The following NTN4 variants were observed in gnomAD, a reference collection of about 807,000 sequenced individuals.
NTN4 encodes netrin-4.
In NTN4, 32 loss-of-function variants were observed where a neutral mutation model predicts 73.6. The observed-to-expected ratio is 0.44, with a 90% CI of 0.33 to 0.58. The LOEUF (loss-of-function observed/expected upper bound fraction) is 0.58, where lower values mean the gene tolerates loss of function less well. Among genes scored for constraint, NTN4 ranks in the 20% least tolerant of loss-of-function variants. The pLI, the probability that NTN4 is intolerant of heterozygous loss-of-function variation, is 0.04. For synonymous variants in NTN4, 258 were observed against 287.5 expected, an observed-to-expected ratio of 0.90 and a Z score of 1.04; for missense variants, 654 against 798.3, an observed-to-expected ratio of 0.82 and a Z score of 2.18.
At chr12:95,775,669 A>G (rs972012968) in intron 2 of NTN4, among the ~76,000 whole-genome samples, 7 of 152,240 alleles carry the variant, frequency 4.6e-5, no homozygotes, top group African/African-American at 1.7e-4. Flanking sequence ...TGAGTAGGTA[A>G]ACAAAGCAGC....
chr12:95,672,047 G>A (rs1396285415), intron 7 of NTN4, among the ~76,000 whole-genome samples: 2 of 147,018 alleles, frequency 1.4e-5, no homozygotes, highest in African/African-American at 5.1e-5. Flanking sequence ...GCAGCCAGGT[G>A]TGGTGACTCA....
At chr12:95,783,052 C>T (rs570856815) in intron 2 of NTN4, among the ~76,000 whole-genome samples, 43 of 152,244 alleles carry the variant, frequency 2.8e-4, no homozygotes, top group African/African-American at 1.0e-3. Flanking sequence ...TCATTTTTAG[C>T]CTCAAGGTTA....
At chr12:95,660,651 T>C (rs1399871765) in intron 9 of NTN4, among the ~76,000 whole-genome samples, 1 of 152,192 alleles carries the variant, frequency 6.6e-6, no homozygotes, top group East Asian at 1.9e-4. Context: ...GATTTTGGTA[T>C]TTAGGAACGA....
In NTN4 at chr12:95,710,575, T is replaced by TC; in HGVS notation, c.1045dup (p.Glu349GlyfsTer7). ...ACCACCACTACGATTCCCTGATGCC[T>TC]CCCACACATTAACGTCGAAGTGACA... On this transcript the variant is annotated frameshift_variant, in exon 5 of 10. Coordinates refer to ENST00000343702, the MANE Select transcript of NTN4 (RefSeq NM_021229.4). LOFTEE classifies it high-confidence loss of function. 1.2e-6 allele frequency: 2 copies of TC among 1,614,154 alleles called. No homozygotes were observed. Among genetic ancestry groups the TC allele is most frequent in the Non-Finnish European group, 1.7e-6 (2 of 1,180,010 alleles).
At chr12:95,687,147 A>G (rs2121006087) in intron 5 of NTN4, among the ~76,000 whole-genome samples, 1 of 147,422 alleles carries the variant, frequency 6.8e-6, no homozygotes, top group Middle Eastern at 3.4e-3. Flanking sequence ...CTTTGCATAT[A>G]TTTCTATTTT....
In NTN4 at chr12:95,770,988, A is replaced by ATTTTTTTTTTTTTTTT. The variant is rs1460848065; in HGVS notation, c.585+15950_585+15951insAAAAAAAAAAAAAAAA. ...GCAAGATGAACCATCCAGGAAAAGA[A>ATTTTTTTTTTTTTTTT]TTTGTTTTTTTTTTTTTTTGAGACA... On this transcript the variant is annotated intron_variant, in intron 2 of 9. Coordinates refer to ENST00000343702, the MANE Select transcript of NTN4 (RefSeq NM_021229.4). 5.5e-4 allele frequency among the ~76,000 whole-genome samples: 32 copies of ATTTTTTTTTTTTTTTT among 58,088 alleles called. 1 individual carries two copies. The highest frequency in any genetic ancestry group is 1.3e-3 in the African/African-American group (29 of 22,882). 38.1% of individuals were successfully genotyped at this position (58,088 alleles called of 152,430 possible).
At chr12:95,737,780 A>G (rs774880411) in intron 3 of NTN4, 86 bp downstream of exon 3, 14 of 1,327,890 alleles carry the variant, frequency 1.1e-5, no homozygotes, top group African/African-American at 1.5e-5. Context: ...AATCAGCAGC[A>G]CTATGTTAAG....
At chr12:95,787,581 G>T in intron 1 of NTN4, 113 bp from the exon 2 acceptor site, 2 of 956,050 alleles carry the variant, frequency 2.1e-6, no homozygotes, top group Non-Finnish European at 3.1e-6. Flanking sequence ...TGAGACTTTC[G>T]ATAAATGGCA....
At chr12:95,665,577 G>C (rs1010940983) in intron 9 of NTN4, 13 of 344,514 alleles carry the variant, frequency 3.8e-5, no homozygotes, top group African/African-American at 2.7e-4. Context: ...TTAGGATAGA[G>C]AGTATTATAT....
chr12:95,765,442 C>G (rs1314618823), intron 2 of NTN4, among the ~76,000 whole-genome samples: 1 of 152,146 alleles, frequency 6.6e-6, no homozygotes, highest in Non-Finnish European at 1.5e-5. Flanking sequence ...AACTCAATGT[C>G]TGTCCAAAAG....
At chr12:95,707,087 G>A (rs996842316) in intron 5 of NTN4, among the ~76,000 whole-genome samples, 1 of 152,166 alleles carries the variant, frequency 6.6e-6, no homozygotes, top group Non-Finnish European at 1.5e-5. Context: ...AATATGAATT[G>A]AGCTGCCTTT....
chr12:95,765,878 TTTCGAG>T (rs2079017933), intron 2 of NTN4, among the ~76,000 whole-genome samples: 1 of 152,168 alleles, frequency 6.6e-6, no homozygotes. Flanking sequence ...TTTAGGGTAC[TTTCGAG>T]ATTTGAGTGT....
At chr12:95,672,751 C>G in intron 7 of NTN4, 1 of 1,369,980 alleles carries the variant, frequency 7.3e-7, no homozygotes, top group Non-Finnish European at 1.0e-6. Context: ...AGATGATCAG[C>G]TATCCTCCTG....
At position 95,781,324 on chromosome 12, in the gene NTN4, C is replaced by T. The variant is rs147162921; in HGVS notation, c.585+5615G>A. 0.013 allele frequency among the ~76,000 whole-genome samples: 1,910 copies of T among 152,108 alleles called. 16 individuals are homozygous for T. Among genetic ancestry groups the T allele is most frequent in the South Asian group, 0.027 (128 of 4,828 alleles). On this transcript the variant is annotated intron_variant, in intron 2 of 9. Coordinates refer to ENST00000343702, the MANE Select transcript of NTN4 (RefSeq NM_021229.4). The surrounding 1 kb of genome is among the most constrained non-coding windows in gnomAD (Gnocchi z 4.1). ...TAATAAAAAAATTTAAAAAACCATACCATTACCATAAAGCAAATGTGACCC... is the reference window on the plus strand; with the variant it reads ...TAATAAAAAAATTTAAAAAACCATATCATTACCATAAAGCAAATGTGACCC...
At chr12:95,698,645 T>TA (rs2078459431) in intron 5 of NTN4, among the ~76,000 whole-genome samples, 1 of 151,782 alleles carries the variant, frequency 6.6e-6, no homozygotes. Flanking sequence ...AGCTCAGGAG[T>TA]TCAAGACCAG....
chr12:95,744,469 T>G (rs1382658840), intron 2 of NTN4, among the ~76,000 whole-genome samples: 1 of 152,202 alleles, frequency 6.6e-6, no homozygotes, highest in Non-Finnish European at 1.5e-5. Flanking sequence ...TCTATGCCTT[T>G]AATGGGGATA....
chr12:95,725,139 C>G (rs111302575), intron 3 of NTN4, among the ~76,000 whole-genome samples: 2 of 151,772 alleles, frequency 1.3e-5, no homozygotes, highest in African/African-American at 4.8e-5. Context: ...TAGAAAGAGG[C>G]AGCAAAAATA....
chr12:95,684,892 G>A (rs1232308533), intron 5 of NTN4, among the ~76,000 whole-genome samples: 2 of 152,028 alleles, frequency 1.3e-5, no homozygotes, highest in Non-Finnish European at 1.5e-5. Context: ...GCTTTTTTGA[G>A]ACAGGGTCTT....
chr12:95,663,651 A>T (rs1361076435), intron 9 of NTN4: 1 of 152,246 alleles, frequency 6.6e-6, no homozygotes, highest in Non-Finnish European at 1.5e-5. Flanking sequence ...AAATGGAAAA[A>T]CAAAGTAAAA....
Sources: gnomAD v4.1 joint callset for allele counts (sites outside exome capture counted in the v4.1 genomes callset) on GRCh38, gnomAD v4.1.1 for gene constraint, Gnocchi (gnomAD v3.1) non-coding constraint, MANE v1.5 for transcripts, NCBI Gene and HGNC (gene_info 2026-07-23, HGNC 2026-07-21) for gene names.